Variants in MALRD1 observed in about 807,000 individuals in gnomAD.
MALRD1 encodes the protein MAM and LDL receptor class A domain containing 1.
A neutral mutation model predicts 242.1 loss-of-function variants in MALRD1; 247 were observed. That is an observed-to-expected ratio of 1.02 (90% CI 0.92 to 1.13). The LOEUF (loss-of-function observed/expected upper bound fraction) is 1.13. MALRD1 is among the 50% of genes most tolerant of loss of function. MALRD1 has a pLI of 0.00. For synonymous variants in MALRD1, 995 were observed against 866.6 expected (o/e 1.15, Z -2.60); for missense variants, 2,989 against 2,533.1 (o/e 1.18, Z -3.86).
At chr10:19,283,564 CT>C (rs1380783466) in intron 21 of MALRD1, among the ~76,000 whole-genome samples, 3 of 152,154 alleles carry the variant, frequency 2.0e-5, no homozygotes, top group South Asian at 2.1e-4. Context: ...TTCAGCCTCC[CT>C]TTTTTCCCCT....
chr10:19,372,347 G>C (rs190450888), intron 26 of MALRD1, among the ~76,000 whole-genome samples: 16 of 152,104 alleles, frequency 1.1e-4, no homozygotes, highest in Admixed American at 4.6e-4. Context: ...AAAAATTAGC[G>C]TTATAAATAT....
At chr10:19,224,693 TC>T (rs1837712685) in intron 18 of MALRD1, among the ~76,000 whole-genome samples, 1 of 152,238 alleles carries the variant, frequency 6.6e-6, no homozygotes, top group Admixed American at 6.5e-5. Flanking sequence ...GTTGTTTTTT[TC>T]TTGTAAATTT....
At position 19,238,124 on chromosome 10, in the gene MALRD1, A is replaced by T. The variant is rs868646241; in HGVS notation, c.2992-19560A>T. On this transcript the variant is annotated intron_variant, in intron 18 of 39. Transcript: ENST00000454679. The stretch of plus-strand genomic sequence containing the variant: ...ATAATATATATAACATACATAATAT[A>T]TATTATGTATATAATATATAATATA... 3.9e-3 allele frequency among the ~76,000 whole-genome samples: 57 copies of T among 14,800 alleles called. 1 individual carries two copies. The highest frequency in any genetic ancestry group is 0.17 in the Middle Eastern group (2 of 12). 9.7% of individuals were successfully genotyped at this position (14,800 alleles called of 152,430 possible). A position where few individuals can be genotyped will look rare whatever the true frequency, so the allele number is the denominator to read the frequency against.
chr10:19,168,917 T>C (rs995849457), intron 13 of MALRD1, among the ~76,000 whole-genome samples: 3 of 152,032 alleles, frequency 2.0e-5, no homozygotes, highest in African/African-American at 7.3e-5. Context: ...TGCCTATGAG[T>C]TGGCTACAGC....
chr10:19,231,890 TAAAAC>T (rs1348767923), intron 18 of MALRD1, among the ~76,000 whole-genome samples: 11 of 152,236 alleles, frequency 7.2e-5, no homozygotes, highest in East Asian at 5.8e-4. Context: ...CATATAGACT[TAAAAC>T]AAAATAATTA....
intron 28 of MALRD1, among the ~76,000 whole-genome samples, chr10:19,404,002 G>A (rs187400031): frequency 8.5e-5 from 13 of 152,118 alleles, no homozygotes; most frequent in South Asian, 2.1e-4. Context: ...AACACGTTAA[G>A]CTTTTTACTA....
intron 32 of MALRD1, among the ~76,000 whole-genome samples, chr10:19,557,487 C>CT (rs143868305): frequency 2.6e-4 from 39 of 148,514 alleles, no homozygotes; most frequent in Middle Eastern, 3.5e-3. Context: ...TGTCTAGATT[C>CT]TTTTTTTTTT....
intron 18 of MALRD1, among the ~76,000 whole-genome samples, chr10:19,230,558 C>T (rs1167102220): frequency 6.6e-6 from 1 of 152,150 alleles, no homozygotes; most frequent in East Asian, 1.9e-4. Flanking sequence ...AAGAGGACAG[C>T]ACCAAGCCAT....
chr10:19,679,762 CT>C (rs1193855197), intron 36 of MALRD1, among the ~76,000 whole-genome samples: 1 of 151,976 alleles, frequency 6.6e-6, no homozygotes, highest in African/African-American at 2.4e-5. Context: ...AATTTGAGAT[CT>C]TTTGAGCTTT....
chr10:19,413,148 T>C lies in MALRD1; in HGVS notation c.4845+23539T>C, dbSNP rs146202171. Among the ~76,000 whole-genome samples the C allele has an allele frequency of 6.2e-3, 942 of 152,294 alleles. 15 individuals are homozygous for C. Among genetic ancestry groups the C allele is most frequent in the African/African-American group, 0.021 (879 of 41,564 alleles). On this transcript the variant is annotated intron_variant, in intron 28 of 39. Transcript: ENST00000454679. Reference sequence around the variant, plus strand: ...TCTTAAAAATATTTTGAAACAGTTATCCTCGCATTTTACAAATGAAAAACT... The same window carrying C: ...TCTTAAAAATATTTTGAAACAGTTACCCTCGCATTTTACAAATGAAAAACT...
In MALRD1 at chr10:19,678,377, G is replaced by T. The variant is rs575829858; in HGVS notation, c.6138-13905G>T. Among the ~76,000 whole-genome samples the T allele has an allele frequency of 4.5e-4, 69 of 152,024 alleles. 1 individual carries two copies. The South Asian group carries it at 0.014, about 31-fold the overall frequency. Reference sequence around the variant, plus strand: ...AGGTTTGTAGTTCTCCTTGAAGAGGGCCTTCATTTCCCTTGTTAGCTGTAT... The same window carrying T: ...AGGTTTGTAGTTCTCCTTGAAGAGGTCCTTCATTTCCCTTGTTAGCTGTAT... On this transcript the variant is annotated intron_variant, in intron 36 of 39. Transcript: ENST00000454679.
At chr10:19,311,975 A>G (rs1005642212) in intron 21 of MALRD1, among the ~76,000 whole-genome samples, 5 of 151,424 alleles carry the variant, frequency 3.3e-5, no homozygotes, top group African/African-American at 1.2e-4. Context: ...TGCATCTTTT[A>G]TATATTCAGA....
chr10:19,076,051 C>A (rs1307064728), intron 2 of MALRD1, among the ~76,000 whole-genome samples: 1 of 151,932 alleles, frequency 6.6e-6, no homozygotes, highest in Non-Finnish European at 1.5e-5. Context: ...GGGGGAAAAT[C>A]CCTGGGCTTT....
intron 36 of MALRD1, among the ~76,000 whole-genome samples, chr10:19,617,965 T>C (rs9299731): frequency 0.13 from 19,270 of 151,960 alleles, 3,196 homozygotes; most frequent in African/African-American, 0.38. Context: ...TTTTGCCTGA[T>C]CCTCTCTTTT....
chr10:19,228,946 C>T lies in MALRD1; in HGVS notation c.2991+19266C>T, dbSNP rs569699461. Among the ~76,000 whole-genome samples the T allele has an allele frequency of 4.4e-4, 66 of 150,748 alleles. 1 individual carries two copies. The South Asian group carries it at 0.013, about 30-fold the overall frequency. Reference sequence around the variant, plus strand: ...AATAAAATGCAATTATTTACTCAGCCCCCCCAAAAAAAGGCCTGTATGGGG... The same window carrying T: ...AATAAAATGCAATTATTTACTCAGCTCCCCCAAAAAAAGGCCTGTATGGGG... On this transcript the variant is annotated intron_variant, in intron 18 of 39. Transcript: ENST00000454679.
chr10:19,263,895 C>A (rs898862439), intron 19 of MALRD1, among the ~76,000 whole-genome samples: 1 of 152,008 alleles, frequency 6.6e-6, no homozygotes, highest in Non-Finnish European at 1.5e-5. Flanking sequence ...TCTTCTTGTT[C>A]AAAATTGCTT....
intron 36 of MALRD1, among the ~76,000 whole-genome samples, chr10:19,675,250 A>G (rs954924719): frequency 6.6e-6 from 1 of 152,160 alleles, no homozygotes; most frequent in African/African-American, 2.4e-5. Flanking sequence ...TAAGGACAGA[A>G]TTTGATAATA....
chr10:19,547,026 G>A (rs117559794), intron 32 of MALRD1, among the ~76,000 whole-genome samples: 47 of 152,212 alleles, frequency 3.1e-4, no homozygotes, highest in Admixed American at 5.9e-4. Context: ...TTGAGGGAAG[G>A]TGTTTTGAAG....
intron 36 of MALRD1, among the ~76,000 whole-genome samples, chr10:19,674,031 G>A (rs1295903940): frequency 1.3e-5 from 2 of 152,132 alleles, no homozygotes; most frequent in African/African-American, 4.8e-5. Flanking sequence ...GATGATGGCA[G>A]TGGCCTATCT....
Sources: gnomAD v4.1 joint callset for allele counts (sites outside exome capture counted in the v4.1 genomes callset) on GRCh38, gnomAD v4.1.1 for gene constraint, MANE v1.5 for transcripts, NCBI Gene and HGNC (gene_info 2026-07-23, HGNC 2026-07-21) for gene names.